GRK3: variants seen among roughly 807,000 people sequenced by gnomAD.
GRK3 encodes G protein-coupled receptor kinase 3, also known as adrenergic, beta, receptor kinase 2.
Under a neutral mutation model 95.7 loss-of-function variants are expected in GRK3, and 54 were observed. That is an observed-to-expected ratio of 0.56 (90% CI 0.45 to 0.71). The LOEUF (loss-of-function observed/expected upper bound fraction) is 0.71, where lower values mean the gene tolerates loss of function less well. Ranked by LOEUF, GRK3 falls within the 30% of genes least tolerant of loss-of-function variation. GRK3 has a pLI of 0.00. For missense variants in GRK3, 649 were observed against 851.2 expected (o/e 0.76, Z 2.96); for synonymous variants, 281 against 290.8 (o/e 0.97, Z 0.34).
At chr22:25,565,198 T>A in intron 1 of GRK3, 45 bp downstream of exon 1, 1 of 1,087,614 alleles carries the variant, frequency 9.2e-7, no homozygotes, top group Non-Finnish European at 1.3e-6. Flanking sequence ...CGCCGCCCCC[T>A]GCGGCCGCCA....
At chr22:25,705,982 G>A (rs9624883) in intron 15 of GRK3, among the ~76,000 whole-genome samples, 1 of 152,120 alleles carries the variant, frequency 6.6e-6, no homozygotes, top group African/African-American at 2.4e-5. Context: ...GTGTTCTTCA[G>A]CTTGGAGACC....
intron 3 of GRK3, 91 bp from the exon 4 acceptor site, chr22:25,661,485 C>A (rs2084909073): frequency 1.4e-6 from 1 of 691,786 alleles, no homozygotes; most frequent in Non-Finnish European, 2.5e-6. Context: ...ATCTCATGTG[C>A]AAGTGGTTTC....
chr22:25,668,332 A>G (rs1344380568), intron 6 of GRK3, among the ~76,000 whole-genome samples: 1 of 152,216 alleles, frequency 6.6e-6, no homozygotes, highest in Non-Finnish European at 1.5e-5. Flanking sequence ...CTCTGTGACA[A>G]TGCACCACTG....
At chr22:25,690,319 C>G (rs2085155371) in intron 12 of GRK3, 36 bp downstream of exon 12, 1 of 1,472,048 alleles carries the variant, frequency 6.8e-7, no homozygotes, top group African/African-American at 1.4e-5. Context: ...ACCACCATTT[C>G]TCTCCTGCCC....
At chr22:25,640,075 C>T (rs1282303555) in intron 2 of GRK3, among the ~76,000 whole-genome samples, 1 of 152,092 alleles carries the variant, frequency 6.6e-6, no homozygotes, top group Non-Finnish European at 1.5e-5. Context: ...TAGGATTTGC[C>T]AGGTAGGTAA....
intron 1 of GRK3, 41 bp from the exon 2 acceptor site, chr22:25,604,336 G>A (rs1432829636): frequency 6.9e-7 from 1 of 1,451,268 alleles, no homozygotes; most frequent in Admixed American, 1.8e-5. Context: ...TACTCACGAT[G>A]TAGGCTGTAT....
chr22:25,658,479 A>T (rs2084888389), intron 3 of GRK3, among the ~76,000 whole-genome samples: 1 of 152,202 alleles, frequency 6.6e-6, no homozygotes, highest in African/African-American at 2.4e-5. Flanking sequence ...TATGGGGCCC[A>T]CCAGGGATTT....
intron 18 of GRK3, 123 bp downstream of exon 18, chr22:25,714,693 A>T: frequency 1.1e-6 from 1 of 909,700 alleles, no homozygotes; most frequent in South Asian, 1.9e-5. Flanking sequence ...AATGCCATAA[A>T]TCGCTTTAGT....
chr22:25,647,503 G>C (rs1310564702), intron 3 of GRK3: 1 of 1,432,470 alleles, frequency 7.0e-7, no homozygotes, highest in South Asian at 1.1e-5. Flanking sequence ...ATTCTCAGTG[G>C]TGCCAAGTTC....
chr22:25,676,212 C>T (rs2085027677), intron 8 of GRK3, among the ~76,000 whole-genome samples: 1 of 152,114 alleles, frequency 6.6e-6, no homozygotes, highest in Non-Finnish European at 1.5e-5. Flanking sequence ...TTCACTGAAA[C>T]ACAGTCCTCT....
chr22:25,661,669 T>C lies in GRK3; in HGVS notation c.358T>C (p.Cys120Arg). Residue 120 changes from cysteine (C) to arginine (R), a missense_variant, in exon 4 of 21, where the codon TGT (cysteine) becomes CGT (arginine). Coordinates refer to ENST00000324198, the MANE Select transcript of GRK3 (RefSeq NM_005160.4). Reference protein sequence around the residue: ...DAYIMKELLSCSHPFSKQAVE... With the variant: ...DAYIMKELLSRSHPFSKQAVE... ...CTACATCATGAAGGAACTTCTTTCC[T>C]GTTCACATGTAAGTATTTCTTCTTA... 3 of 1,600,284 alleles carry C rather than the reference T, an allele frequency of 1.9e-6. No individual in the cohort carries two copies. The highest frequency in any genetic ancestry group is 1.7e-6 in the Non-Finnish European group (2 of 1,168,492).
chr22:25,634,877 A>G (rs2084688601), intron 2 of GRK3, among the ~76,000 whole-genome samples: 1 of 152,244 alleles, frequency 6.6e-6, no homozygotes, highest in Non-Finnish European at 1.5e-5. Context: ...ATATAATCTT[A>G]GTCATAAATG....
In GRK3 at chr22:25,695,053, G is replaced by C. The variant is rs2085196286; in HGVS notation, c.1053-54G>C. ...ACACCCGGACCTTGGGGCGCTGTTA[G>C]TGTTTTCTAAAGTGGGCATGCTCTG... On this transcript the variant is annotated intron_variant, in intron 12 of 20. Coordinates refer to ENST00000324198, the MANE Select transcript of GRK3 (RefSeq NM_005160.4). 9.8e-6 allele frequency: 13 copies of C among 1,324,418 alleles called. 1 individual carries two copies. The highest frequency in any genetic ancestry group is 7.3e-5 in the South Asian group (6 of 81,678). The allele number at this position is 1,324,418 out of a possible 1,614,324, so 82.0% of individuals were successfully genotyped here. A position where few individuals can be genotyped will look rare whatever the true frequency, so the allele number is the denominator to read the frequency against.
chr22:25,614,252 C>G (rs533018836), intron 2 of GRK3, among the ~76,000 whole-genome samples: 14 of 152,148 alleles, frequency 9.2e-5, no homozygotes, highest in Non-Finnish European at 1.6e-4. Context: ...CTCAGCCTCC[C>G]GAGTAGCTAG....
chr22:25,654,704 A>G (rs1029528727), intron 3 of GRK3, among the ~76,000 whole-genome samples: 1 of 152,222 alleles, frequency 6.6e-6, no homozygotes, highest in Non-Finnish European at 1.5e-5. Flanking sequence ...CTCCTTTAGC[A>G]GATAATTTTT....
intron 13 of GRK3, among the ~76,000 whole-genome samples, chr22:25,701,942 CAG>C (rs1024826286): frequency 9.9e-5 from 15 of 152,158 alleles, no homozygotes; most frequent in Non-Finnish European, 2.2e-4. Context: ...TTATAAATAA[CAG>C]ATATTGTTTG....
chr22:25,639,317 A>T (rs905576637), intron 2 of GRK3, among the ~76,000 whole-genome samples: 1 of 152,178 alleles, frequency 6.6e-6, no homozygotes, highest in Non-Finnish European at 1.5e-5. Flanking sequence ...TTATAATTTT[A>T]GCCTTCACAT....
At chr22:25,718,651 A>C (rs893064740) in intron 19 of GRK3, among the ~76,000 whole-genome samples, 2 of 152,236 alleles carry the variant, frequency 1.3e-5, no homozygotes, top group Non-Finnish European at 2.9e-5. Flanking sequence ...GCTGGAGAGC[A>C]GTTAGACAGA....
chr22:25,650,066 A>C (rs1487527155), intron 3 of GRK3, among the ~76,000 whole-genome samples: 1 of 151,030 alleles, frequency 6.6e-6, no homozygotes, highest in Non-Finnish European at 1.5e-5. Context: ...ATCCTGGTTC[A>C]CTGCAACCTC....
Sources: gnomAD v4.1 joint callset for allele counts (sites outside exome capture counted in the v4.1 genomes callset) on GRCh38, gnomAD v4.1.1 for gene constraint, MANE v1.5 for transcripts, NCBI Gene and HGNC (gene_info 2026-07-23, HGNC 2026-07-21) for gene names.